Variants in ANTXR2 observed in about 807,000 individuals in gnomAD.
ANTXR2 encodes the protein anthrax toxin receptor 2.
ANTXR2 carries 44 observed loss-of-function variants against 73.7 expected under a neutral mutation model. That is an observed-to-expected ratio of 0.60 (90% CI 0.47 to 0.77). The LOEUF (loss-of-function observed/expected upper bound fraction) is 0.77, where lower values mean the gene tolerates loss of function less well. ANTXR2 is among the 30% of genes least tolerant of loss of function. The pLI is 0.00. For synonymous variants in ANTXR2, 217 were observed against 205.9 expected (o/e 1.05, Z -0.46); for missense variants, 604 against 592.5 (o/e 1.02, Z -0.20).
At position 79,901,360 on chromosome 4, in the gene ANTXR2, T is replaced by C. The variant is rs1223676087; in HGVS notation, c.*6069A>G. On this transcript the variant is annotated 3_prime_UTR_variant, in exon 17 of 17. Coordinates refer to ENST00000403729, the MANE Select transcript of ANTXR2 (RefSeq NM_058172.6). ...TAAGAAGTTTAGATTTGCTTCTAATTTGGCACATGATGTAACAATTTCCTT... is the reference window on the plus strand; with the variant it reads ...TAAGAAGTTTAGATTTGCTTCTAATCTGGCACATGATGTAACAATTTCCTT... 6.6e-6 allele frequency: 1 copy of C among 152,120 alleles called. No homozygotes were observed. Among genetic ancestry groups the C allele is most frequent in the Non-Finnish European group, 1.5e-5 (1 of 68,012 alleles). 9.4% of individuals were successfully genotyped at this position (152,120 alleles called of 1,614,324 possible).
At chr4:80,007,678 G>T (rs1051479302) in intron 12 of ANTXR2, among the ~76,000 whole-genome samples, 1 of 152,154 alleles carries the variant, frequency 6.6e-6, no homozygotes, top group African/African-American at 2.4e-5. Context: ...CAGAAAAATG[G>T]TTGAAAAGAT....
chr4:79,980,721 C>T (rs1729850455), intron 14 of ANTXR2, among the ~76,000 whole-genome samples: 1 of 152,110 alleles, frequency 6.6e-6, no homozygotes, highest in South Asian at 2.1e-4. Context: ...CTGTTATTAA[C>T]ATCATCTCCG....
rs553433008 is a variant in ANTXR2, at chr4:79,933,937, G to A, written c.1429-26470C>T. On this transcript the variant is annotated intron_variant, in intron 16 of 16. Transcript: ENST00000403729. Reference sequence around the variant, plus strand: ...GTATTTTTAGTAGAGATGGGGTTTCGCCGTGTTAGGGAAGATGGTCTCGAT... The same window carrying A: ...GTATTTTTAGTAGAGATGGGGTTTCACCGTGTTAGGGAAGATGGTCTCGAT... Among the ~76,000 whole-genome samples the A allele has an allele frequency of 4.6e-3, 692 of 151,724 alleles. 8 individuals are homozygous for A. Among genetic ancestry groups the A allele is most frequent in the African/African-American group, 0.016 (660 of 41,390 alleles).
At chr4:80,015,492 C>T (rs896443332) in intron 11 of ANTXR2, among the ~76,000 whole-genome samples, 1 of 152,082 alleles carries the variant, frequency 6.6e-6, no homozygotes, top group African/African-American at 2.4e-5. Context: ...TTTTCTTTTC[C>T]TGTCCTTTCT....
chr4:79,981,232 A>G (rs1729876168), intron 14 of ANTXR2, among the ~76,000 whole-genome samples: 1 of 152,218 alleles, frequency 6.6e-6, no homozygotes, highest in Admixed American at 6.5e-5. Context: ...GTATTTTTAT[A>G]TACAGGTTGA....
chr4:79,956,860 G>T (rs541128829), intron 16 of ANTXR2, among the ~76,000 whole-genome samples: 1 of 151,848 alleles, frequency 6.6e-6, no homozygotes, highest in Non-Finnish European at 1.5e-5. Context: ...AGGAGACCCC[G>T]GGCAAATCAA....
chr4:80,029,009 A>C (rs950081987), intron 10 of ANTXR2, among the ~76,000 whole-genome samples: 10 of 152,176 alleles, frequency 6.6e-5, no homozygotes, highest in African/African-American at 2.4e-4. Context: ...TTTTAGACAC[A>C]TCTCTGTCCC....
intron 12 of ANTXR2, among the ~76,000 whole-genome samples, chr4:79,986,091 G>A (rs1265098238): frequency 2.6e-5 from 4 of 151,814 alleles, no homozygotes; most frequent in East Asian, 1.9e-4. Context: ...TGATCCACCC[G>A]CCTCGGCCCC....
chr4:80,055,391 T>C lies in ANTXR2; in HGVS notation c.455A>G (p.Asp152Gly). ...CTCTGCATATGATGGCACCAGACCG[T>C]CCAACTTGCCATCTGTCAGAGCAAT... ...IIIALTDGKL[D>G]GLVPSYAEKE... The change falls in exon 5 of 17, where the codon GAC becomes GGC. Residue 152 changes from aspartate to glycine, a missense_variant. Transcript: ENST00000403729. 3 of 1,611,144 alleles carry C rather than the reference T, an allele frequency of 1.9e-6. No homozygotes were observed. The highest frequency in any genetic ancestry group is 2.5e-6 in the Non-Finnish European group (3 of 1,178,328).
chr4:80,001,538 G>A (rs1731041519), intron 12 of ANTXR2, among the ~76,000 whole-genome samples: 1 of 151,692 alleles, frequency 6.6e-6, no homozygotes, highest in South Asian at 2.1e-4. Flanking sequence ...GATTTGGGGT[G>A]GAGAGTTCTG....
intron 16 of ANTXR2, among the ~76,000 whole-genome samples, chr4:79,930,449 A>G (rs981838627): frequency 6.6e-6 from 1 of 152,218 alleles, no homozygotes; most frequent in Admixed American, 6.5e-5. Context: ...TTTCAAGAAC[A>G]TATTCACATT....
At chr4:80,072,299 G>A (rs573780986) in intron 1 of ANTXR2, 110 bp downstream of exon 1, 1 of 1,252,566 alleles carries the variant, frequency 8.0e-7, no homozygotes, top group Admixed American at 3.1e-5. Context: ...GCACCCCTCC[G>A]CGGGTTTCCA....
At chr4:80,009,305 T>G (rs1731455099) in intron 11 of ANTXR2, among the ~76,000 whole-genome samples, 1 of 152,192 alleles carries the variant, frequency 6.6e-6, no homozygotes, top group African/African-American at 2.4e-5. Context: ...CTACTCATTT[T>G]ACAGGGCTCA....
At chr4:80,007,516 G>T (rs1731363750) in intron 12 of ANTXR2, among the ~76,000 whole-genome samples, 1 of 152,042 alleles carries the variant, frequency 6.6e-6, no homozygotes, top group African/African-American at 2.4e-5. Flanking sequence ...TATCTTAATG[G>T]CAAAAGGGAT....
intron 3 of ANTXR2, among the ~76,000 whole-genome samples, chr4:80,061,275 T>C (rs1734237391): frequency 8.7e-6 from 1 of 114,688 alleles, no homozygotes; most frequent in Non-Finnish European, 1.9e-5. Context: ...AAAAAGTGTG[T>C]GTGTGCCTCT....
At chr4:79,991,734 A>T (rs1391914216) in intron 12 of ANTXR2, among the ~76,000 whole-genome samples, 1 of 152,154 alleles carries the variant, frequency 6.6e-6, no homozygotes, top group Non-Finnish European at 1.5e-5. Context: ...GCTAGAAAAA[A>T]AAGTGATACA....
intron 16 of ANTXR2, among the ~76,000 whole-genome samples, chr4:79,973,363 G>T (rs1041405711): frequency 7.2e-6 from 1 of 139,534 alleles, no homozygotes; most frequent in Non-Finnish European, 1.5e-5. Flanking sequence ...ATTTATATGG[G>T]AGTTAATTTT....
intron 16 of ANTXR2, among the ~76,000 whole-genome samples, chr4:79,932,673 C>T (rs12507029): frequency 0.55 from 83,284 of 151,272 alleles, 25,915 homozygotes; most frequent in East Asian, 0.96. Context: ...GCGCCTGTAA[C>T]CCCAGCTACT....
chr4:80,027,833 C>T (rs1732510361), intron 10 of ANTXR2, among the ~76,000 whole-genome samples: 1 of 152,124 alleles, frequency 6.6e-6, no homozygotes, highest in African/African-American at 2.4e-5. Context: ...AAACAAGGGT[C>T]ATAGAATAAG....
Sources: gnomAD v4.1 joint callset for allele counts (sites outside exome capture counted in the v4.1 genomes callset) on GRCh38, gnomAD v4.1.1 for gene constraint, MANE v1.5 for transcripts, NCBI Gene and HGNC (gene_info 2026-07-23, HGNC 2026-07-21) for gene names.